MTBP: variants seen among roughly 807,000 people sequenced by gnomAD.
MTBP encodes the protein MDM2 binding protein.
A neutral mutation model predicts 117.0 loss-of-function variants in MTBP; 101 were observed. The observed-to-expected ratio is 0.86, with a 90% confidence interval of 0.73 to 1.02. MTBP has a LOEUF of 1.02. Among genes scored for constraint, MTBP ranks in the 50% least tolerant of loss-of-function variants. MTBP has a pLI of 0.00. For missense variants in MTBP, 970 were observed against 1,030.9 expected (o/e 0.94, Z 0.81); for synonymous variants, 350 against 351.5 (o/e 1.00, Z 0.05).
intron 20 of MTBP, 77 bp downstream of exon 20, chr8:120,518,894 G>A (rs1055296059): frequency 9.9e-7 from 1 of 1,006,024 alleles, no homozygotes; most frequent in East Asian, 2.5e-5. Context: ...AAAAGTTTGA[G>A]TATTTTTTAT....
intron 11 of MTBP, among the ~76,000 whole-genome samples, chr8:120,476,379 C>T (rs1813939404): frequency 6.6e-6 from 1 of 152,004 alleles, no homozygotes; most frequent in South Asian, 2.1e-4. Flanking sequence ...CACTCCTATT[C>T]AACATAGTAT....
Position 120,518,912 on chromosome 8 carries a change from G to A in MTBP, c.2610+95G>A, listed in dbSNP as rs1814967950. 29 of 718,736 alleles carry A rather than the reference G, an allele frequency of 4.0e-5. 1 individual carries two copies. In the South Asian group the frequency reaches 4.6e-4, roughly 11 times the overall value. The allele number at this position is 718,736 out of a possible 1,614,324, so 44.5% of individuals were successfully genotyped here. On this transcript the variant is annotated intron_variant, in intron 20 of 21. Coordinates refer to ENST00000305949, the MANE Select transcript of MTBP (RefSeq NM_022045.5). ...AGTTTGAGTATTTTTTATACTGAGA[G>A]CGTATACTTGCTGCCAGATTTATTA...
chr8:120,523,221 A>C lies in MTBP; in HGVS notation c.2677-77A>C. 3 of 953,594 alleles carry C rather than the reference A, an allele frequency of 3.1e-6. No homozygotes were observed. The South Asian group carries it at 4.6e-5, about 15-fold the overall frequency. The allele number at this position is 953,594 out of a possible 1,614,324, so 59.1% of individuals were successfully genotyped here. A position where few individuals can be genotyped will look rare whatever the true frequency, so the allele number is the denominator to read the frequency against. ...TGAAATTTTCTACCATGTTCTTTTG[A>C]AGTTTTTACAATATATTTTTCTATT... On this transcript the variant is annotated intron_variant, in intron 21 of 21. Transcript: ENST00000305949.
chr8:120,473,475 AT>A (rs1414874795), intron 11 of MTBP: 3 of 152,192 alleles, frequency 2.0e-5, no homozygotes, highest in African/African-American at 7.2e-5. Context: ...AAGGAAGTAG[AT>A]TCATTGTCTT....
intron 18 of MTBP, among the ~76,000 whole-genome samples, chr8:120,517,533 A>C (rs1450578927): frequency 6.6e-6 from 1 of 151,978 alleles, no homozygotes; most frequent in Non-Finnish European, 1.5e-5. Context: ...CAACTTTATA[A>C]TATGATGTTT....
chr8:120,469,204 C>A (rs1006400190), intron 10 of MTBP, among the ~76,000 whole-genome samples: 48 of 152,044 alleles, frequency 3.2e-4, no homozygotes, highest in African/African-American at 1.1e-3. Flanking sequence ...TGCCACCATG[C>A]CTGGCTAATT....
chr8:120,447,681 G>A (rs950001037), intron 2 of MTBP, among the ~76,000 whole-genome samples: 1 of 151,646 alleles, frequency 6.6e-6, no homozygotes, highest in Non-Finnish European at 1.5e-5. Context: ...TTCTCTTACT[G>A]TTATAAAATT....
chr8:120,471,592 C>T (rs995813331), intron 11 of MTBP: 6 of 152,172 alleles, frequency 3.9e-5, no homozygotes, highest in Non-Finnish European at 7.3e-5. Context: ...CGTGGGCCAC[C>T]GCACTTGACC....
At chr8:120,520,136 G>A (rs1458240426) in intron 20 of MTBP, among the ~76,000 whole-genome samples, 1 of 152,054 alleles carries the variant, frequency 6.6e-6, no homozygotes, top group African/African-American at 2.4e-5. Context: ...TAACACAATT[G>A]ATGCCAAAAC....
chr8:120,512,279 C>T (rs1814828454), intron 17 of MTBP, among the ~76,000 whole-genome samples: 1 of 152,072 alleles, frequency 6.6e-6, no homozygotes, highest in African/African-American at 2.4e-5. Context: ...TTCTCTTCTT[C>T]AGCCCTATAA....
intron 10 of MTBP, among the ~76,000 whole-genome samples, chr8:120,468,442 T>C (rs940528184): frequency 2.6e-5 from 4 of 152,194 alleles, no homozygotes; most frequent in South Asian, 2.1e-4. Flanking sequence ...AAATCCATGC[T>C]TTGGAATTCT....
chr8:120,490,388 T>G, intron 12 of MTBP, 75 bp from the exon 13 acceptor site: 1 of 872,822 alleles, frequency 1.1e-6, no homozygotes, highest in Non-Finnish European at 1.8e-6. Context: ...CTATAACACA[T>G]TTCCCAGGAA....
intron 11 of MTBP, among the ~76,000 whole-genome samples, chr8:120,480,758 TAATTC>T (rs1286097941): frequency 2.6e-5 from 4 of 152,102 alleles, no homozygotes; most frequent in Non-Finnish European, 5.9e-5. Flanking sequence ...TCATATAACT[TAATTC>T]AAGAGCTAAA....
intron 17 of MTBP, among the ~76,000 whole-genome samples, chr8:120,511,493 G>A (rs978240241): frequency 6.6e-5 from 10 of 151,990 alleles, no homozygotes; most frequent in African/African-American, 2.4e-4. Flanking sequence ...ACAGGGTTTA[G>A]CCATGTTGGC....
intron 11 of MTBP, among the ~76,000 whole-genome samples, chr8:120,483,056 A>T (rs1814127263): frequency 6.6e-6 from 1 of 151,190 alleles, no homozygotes; most frequent in African/African-American, 2.4e-5. Flanking sequence ...ATTGAGCCAC[A>T]GTCATTTTCT....
In MTBP at chr8:120,481,769, C is replaced by T. The variant is rs189001056; in HGVS notation, c.1166-6390C>T. 1.9e-4 allele frequency among the ~76,000 whole-genome samples: 29 copies of T among 152,170 alleles called. No individual in the cohort carries two copies. The East Asian group carries it at 3.5e-3, about 18-fold the overall frequency. On this transcript the variant is annotated intron_variant, in intron 11 of 21. Transcript: ENST00000305949. ...TTAGACTTTAATATATATGTACATA[C>T]GTAAATACATATGTAATTTTACATC...
rs761539010 is a variant in MTBP, at chr8:120,459,262, A to G, written c.795A>G (p.Thr265=). 1.2e-6 allele frequency: 2 copies of G among 1,611,048 alleles called. No homozygotes were observed. Among genetic ancestry groups the G allele is most frequent in the South Asian group, 2.2e-5 (2 of 90,576 alleles). The change falls in exon 8 of 22, where the codon ACA becomes ACG. Residue 265 remains threonine (T), a synonymous_variant. Coordinates refer to ENST00000305949, the MANE Select transcript of MTBP (RefSeq NM_022045.5). ...SFPEFCLKGV[T]LKNFSTSNLN... is the part of the protein sequence containing the mutation. ...CTGAATTTTGTTTAAAGGGAGTCAC[A>G]CTTAAGAATTTTAGTACTTCTAATT...
intron 16 of MTBP, among the ~76,000 whole-genome samples, chr8:120,507,748 T>A (rs1340860260): frequency 6.6e-6 from 1 of 152,104 alleles, no homozygotes; most frequent in East Asian, 1.9e-4. Flanking sequence ...AATTTGAGAG[T>A]CTTAATGACT....
chr8:120,476,722 A>G (rs1464478300), intron 11 of MTBP, among the ~76,000 whole-genome samples: 3 of 152,186 alleles, frequency 2.0e-5, no homozygotes, highest in Non-Finnish European at 4.4e-5. Flanking sequence ...TTCAAGGAGA[A>G]CTACAAAGCA....
Sources: allele counts gnomAD v4.1 joint callset (sites outside exome capture counted in the v4.1 genomes callset), GRCh38; gene constraint gnomAD v4.1.1; transcripts MANE v1.5; gene names NCBI Gene and HGNC (gene_info 2026-07-23, HGNC 2026-07-21).